The following TNRC6C variants were observed in gnomAD, a reference collection of about 807,000 sequenced individuals.
TNRC6C encodes the protein trinucleotide repeat-containing gene 6C protein.
A neutral mutation model predicts 153.7 loss-of-function variants in TNRC6C; 20 were observed. That is an observed-to-expected ratio of 0.13 (90% CI 0.09 to 0.19). The LOEUF (loss-of-function observed/expected upper bound fraction) is 0.19. TNRC6C is among the 10% of genes least tolerant of loss of function. The pLI, the probability that TNRC6C is intolerant of heterozygous loss-of-function variation, is 1.00. For synonymous variants in TNRC6C, 811 were observed against 841.4 expected (o/e 0.96, Z 0.63); for missense variants, 1,987 against 2,172.0 (o/e 0.91, Z 1.69).
chr17:78,051,479 G>C, intron 3 of TNRC6C, 31 bp downstream of exon 5: 4 of 692,096 alleles, frequency 5.8e-6, no homozygotes, highest in Non-Finnish European at 7.3e-6. Context: ...TTCTTTACAA[G>C]TAAAAAAAAA....
chr17:78,075,008 C>T lies in TNRC6C; in HGVS notation c.2918-128C>T. On this transcript the variant is annotated intron_variant, in intron 7 of 19. Coordinates refer to ENST00000301624, the Ensembl canonical transcript of TNRC6C. The surrounding 1 kb of genome is among the most constrained non-coding windows in gnomAD (Gnocchi z 4.2). ...CTAGCAAAGCAAGGGCTCTCTCTGC[C>T]CCTGGCTTCCCTGTGTTTGAAGGGG... 1 of 1,226,574 alleles carries T rather than the reference C, an allele frequency of 8.2e-7. No individual in the cohort carries two copies. Among genetic ancestry groups the T allele is most frequent in the Middle Eastern group, 2.8e-4 (1 of 3,588 alleles). The allele number at this position is 1,226,574 out of a possible 1,614,324, so 76.0% of individuals were successfully genotyped here.
At chr17:78,043,240 C>A (rs2072336609) in intron 2 of TNRC6C, among the ~76,000 whole-genome samples, 2 of 152,206 alleles carry the variant, frequency 1.3e-5, no homozygotes, top group Non-Finnish European at 2.9e-5. Flanking sequence ...TGGGCACACT[C>A]CCTGCTCCTC....
chr17:78,067,719 A>T, intron 4 of TNRC6C, 38 bp from the exon 7 acceptor site: 1 of 1,565,638 alleles, frequency 6.4e-7, no homozygotes, highest in Non-Finnish European at 8.6e-7. Context: ...TGCGTTAGGG[A>T]CATGAATTTG....
chr17:78,047,431 C>T (rs564431913), intron 2 of TNRC6C, among the ~76,000 whole-genome samples: 9 of 152,208 alleles, frequency 5.9e-5, no homozygotes, highest in Admixed American at 3.9e-4. Context: ...AATTACGTAC[C>T]TACTTTGAAA....
At chr17:78,054,704 A>G (rs1424549601) in intron 3 of TNRC6C, among the ~76,000 whole-genome samples, 2 of 151,296 alleles carry the variant, frequency 1.3e-5, no homozygotes, top group South Asian at 2.1e-4. Flanking sequence ...GTAGACTACT[A>G]TACACCACTG....
At chr17:77,974,076 GAGAA>G (rs552948740) in intron 1 of TNRC6C, among the ~76,000 whole-genome samples, 114 of 151,280 alleles carry the variant, frequency 7.5e-4, no homozygotes, top group African/African-American at 2.4e-3. Context: ...GAGAGAGAGA[GAGAA>G]AGAAAGAAAA....
intron 1 of TNRC6C, among the ~76,000 whole-genome samples, chr17:77,995,369 C>T (rs2071312574): frequency 6.6e-6 from 1 of 151,984 alleles, no homozygotes; most frequent in African/African-American, 2.4e-5. Context: ...CAGAACTCTT[C>T]TCCTGCTATG....
At chr17:78,084,621 C>CA (rs2073245150) in intron 11 of TNRC6C, among the ~76,000 whole-genome samples, 1 of 134,196 alleles carries the variant, frequency 7.5e-6, no homozygotes, top group African/African-American at 2.8e-5. Flanking sequence ...TTTTCTTTTT[C>CA]TTTTTTTTTT....
At chr17:77,958,870 G>A (rs2070835254), upstream of TNRC6C, among the ~76,000 whole-genome samples, 1 of 146,848 alleles carries the variant, frequency 6.8e-6, no homozygotes, top group South Asian at 2.1e-4. Context: ...CGCCGTCACC[G>A]TCGCAGTAGC....
chr17:78,004,258 G>A (rs2071458535), upstream of TNRC6C: 1 of 1,231,718 alleles, frequency 8.1e-7, no homozygotes, highest in East Asian at 3.2e-5. Context: ...GAAGGAAGGT[G>A]CTCAGAAAAA....
At chr17:77,976,596 A>G (rs2071000351) in intron 1 of TNRC6C, among the ~76,000 whole-genome samples, 1 of 152,176 alleles carries the variant, frequency 6.6e-6, no homozygotes, top group South Asian at 2.1e-4. Flanking sequence ...TGGTAAGATC[A>G]GATACCTAAG....
chr17:78,012,582 A>G (rs1038802113), intron 1 of TNRC6C, among the ~76,000 whole-genome samples: 2 of 152,254 alleles, frequency 1.3e-5, no homozygotes, highest in Admixed American at 6.5e-5. Context: ...GTATATGCAA[A>G]TGAATGCAAT....
At chr17:77,976,946 A>AAAC (rs1441924279) in intron 1 of TNRC6C, among the ~76,000 whole-genome samples, 2 of 150,608 alleles carry the variant, frequency 1.3e-5, no homozygotes, top group Non-Finnish European at 3.0e-5. Flanking sequence ...AAAAAAAAAA[A>AAAC]AAAAAAAAAA....
exon 20 of TNRC6C, chr17:78,107,314 G>A (rs2073718106): frequency 6.6e-6 from 1 of 152,100 alleles, no homozygotes; most frequent in Middle Eastern, 3.2e-3. Flanking sequence ...TAATATGTCT[G>A]TAACTCTGAG....
At chr17:78,005,110 T>C in intron 1 of TNRC6C, 31 bp downstream of exon 3, 1 of 1,228,258 alleles carries the variant, frequency 8.1e-7, no homozygotes, top group Non-Finnish European at 1.0e-6. Flanking sequence ...GGGGGTACAT[T>C]TATGGCGGTA....
At chr17:78,014,266 A>G (rs1179506492) in intron 1 of TNRC6C, among the ~76,000 whole-genome samples, 1 of 150,938 alleles carries the variant, frequency 6.6e-6, no homozygotes, top group Non-Finnish European at 1.5e-5. Context: ...AAGGGAACTG[A>G]CAAGCTCTAC....
chr17:78,055,866 C>T (rs1485991035), intron 3 of TNRC6C, among the ~76,000 whole-genome samples: 1 of 152,156 alleles, frequency 6.6e-6, no homozygotes, highest in Non-Finnish European at 1.5e-5. Flanking sequence ...TCCAAGGGTA[C>T]ATATGTGGGA....
chr17:78,073,820 C>T (rs1053695108), intron 7 of TNRC6C, among the ~76,000 whole-genome samples: 4 of 151,914 alleles, frequency 2.6e-5, no homozygotes, highest in African/African-American at 9.7e-5. Flanking sequence ...TTTTTCTGAC[C>T]CTGGATAATG....
chr17:78,037,042 C>T (rs61463223), intron 2 of TNRC6C, among the ~76,000 whole-genome samples: 1 of 152,104 alleles, frequency 6.6e-6, no homozygotes, highest in Admixed American at 6.5e-5. Flanking sequence ...GTAGATTAAT[C>T]TGACTCTTAA....
Sources: allele counts gnomAD v4.1 joint callset (sites outside exome capture counted in the v4.1 genomes callset), GRCh38; gene constraint gnomAD v4.1.1; non-coding constraint Gnocchi (gnomAD v3.1); transcripts MANE v1.5; gene names NCBI Gene and HGNC (gene_info 2026-07-23, HGNC 2026-07-21).